LIX1: variants seen among roughly 807,000 people sequenced by gnomAD.
The protein encoded by LIX1 is protein limb expression 1 homolog.
Under a neutral mutation model 33.4 loss-of-function variants are expected in LIX1, and 24 were observed. The observed-to-expected ratio is 0.72, with a 90% CI of 0.52 to 1.01. The LOEUF (loss-of-function observed/expected upper bound fraction) is 1.01, where lower values mean the gene tolerates loss of function less well. Ranked by LOEUF, LIX1 falls within the 50% of genes least tolerant of loss-of-function variation. The probability of loss-of-function intolerance (pLI) is 0.00; values close to 1 mark genes in which losing one functional copy is unlikely to be tolerated. For synonymous variants in LIX1, 124 were observed against 124.0 expected (o/e 1.00, Z 0.00); for missense variants, 311 against 339.2 (o/e 0.92, Z 0.65).
intron 2 of LIX1, among the ~76,000 whole-genome samples, chr5:97,115,756 T>TA (rs35264000): frequency 0.28 from 39,547 of 139,908 alleles, 6,057 homozygotes; most frequent in African/African-American, 0.44. Flanking sequence ...GAAGCAGGAT[T>TA]AAAAAAAAAA....
rs1746127029 is a variant in LIX1, at chr5:97,092,515, C to T, written c.*2233G>A. 2.6e-5 allele frequency: 4 copies of T among 152,324 alleles called. No homozygotes were observed. Among genetic ancestry groups the T allele is most frequent in the Admixed American group, 2.6e-4 (4 of 15,288 alleles). 9.4% of individuals were successfully genotyped at this position (152,324 alleles called of 1,614,324 possible). A position where few individuals can be genotyped will look rare whatever the true frequency, so the allele number is the denominator to read the frequency against. On this transcript the variant is annotated 3_prime_UTR_variant, in exon 6 of 6. Coordinates refer to ENST00000274382, the MANE Select transcript of LIX1 (RefSeq NM_153234.5). ...TGAAATTGATTTACTATCAAATCAG[C>T]ATTAAAGGGACCAGCAAAGATTCTG... is the stretch of plus-strand genomic sequence containing the variant.
At chr5:97,099,198 C>T (rs753735356) in intron 4 of LIX1, among the ~76,000 whole-genome samples, 1 of 152,148 alleles carries the variant, frequency 6.6e-6, no homozygotes, top group African/African-American at 2.4e-5. Flanking sequence ...CACTTCATCA[C>T]GTCAGTATGC....
intron 1 of LIX1, among the ~76,000 whole-genome samples, chr5:97,126,288 G>A (rs1747918203): frequency 6.6e-6 from 1 of 152,188 alleles, no homozygotes; most frequent in African/African-American, 2.4e-5. Flanking sequence ...CAGTGAGTCT[G>A]GAGTATCTCA....
At chr5:97,126,392 A>G (rs898190656) in intron 1 of LIX1, among the ~76,000 whole-genome samples, 1 of 152,218 alleles carries the variant, frequency 6.6e-6, no homozygotes, top group South Asian at 2.1e-4. Flanking sequence ...GTCACTGATC[A>G]GCTTCATGGT....
In LIX1 at chr5:97,093,420, A is replaced by G. The variant is rs1406304665; in HGVS notation, c.*1328T>C. ...AATCATTTTCATGTTACAGATATGG[A>G]AAGACCTATGAGCATTTAAAATTGA... On this transcript the variant is annotated 3_prime_UTR_variant, in exon 6 of 6. Transcript: ENST00000274382. The G allele has an allele frequency of 6.6e-6, 1 of 152,254 alleles. No homozygotes were observed. Among genetic ancestry groups the G allele is most frequent in the African/African-American group, 2.4e-5 (1 of 41,432 alleles). 9.4% of individuals were successfully genotyped at this position (152,254 alleles called of 1,614,324 possible).
At chr5:97,101,850 C>T (rs1235765476) in intron 4 of LIX1, 2 of 152,138 alleles carry the variant, frequency 1.3e-5, no homozygotes, top group Non-Finnish European at 2.9e-5. Flanking sequence ...CATCTCCCCA[C>T]CCAAGAGAAT....
At chr5:97,123,163 T>A (rs1161684002) in intron 2 of LIX1, among the ~76,000 whole-genome samples, 1 of 152,226 alleles carries the variant, frequency 6.6e-6, no homozygotes, top group Non-Finnish European at 1.5e-5. Context: ...TCCTTGATCA[T>A]CTTCTCACAC....
At chr5:97,097,035 G>A (rs1164236651) in intron 4 of LIX1, 148 bp from the exon 5 acceptor site, 3 of 645,374 alleles carry the variant, frequency 4.6e-6, no homozygotes, top group Admixed American at 2.8e-5. Flanking sequence ...CAAGCCCAGG[G>A]TCCCAGGGCT....
Position 97,119,831 on chromosome 5 carries a change from A to G in LIX1, c.246+4635T>C, listed in dbSNP as rs139966578. Among the ~76,000 whole-genome samples, 118 of 152,238 alleles carry G rather than the reference A, an allele frequency of 7.8e-4. 1 individual carries two copies. Among genetic ancestry groups the G allele is most frequent in the African/African-American group, 2.8e-3 (116 of 41,554 alleles). On this transcript the variant is annotated intron_variant, in intron 2 of 5. Coordinates refer to ENST00000274382, the MANE Select transcript of LIX1 (RefSeq NM_153234.5). ...GGGTCAAAATTTATGAGATGATAGG[A>G]AAATTTATACTTCTCCGGGTAGCAA... is the stretch of plus-strand genomic sequence containing the variant.
intron 1 of LIX1, among the ~76,000 whole-genome samples, chr5:97,125,960 A>C (rs58142984): frequency 0.011 from 1,698 of 152,332 alleles, 23 homozygotes; most frequent in African/African-American, 0.039. Flanking sequence ...GGTTCAGTAA[A>C]GAGATGGAGG....
chr5:97,113,212 T>C (rs1747503826), intron 2 of LIX1, among the ~76,000 whole-genome samples: 1 of 152,166 alleles, frequency 6.6e-6, no homozygotes, highest in African/African-American at 2.4e-5. Flanking sequence ...CCTCCAGCCC[T>C]GATCAAGCCT....
At chr5:97,118,580 A>G (rs1034437326) in intron 2 of LIX1, among the ~76,000 whole-genome samples, 3 of 152,192 alleles carry the variant, frequency 2.0e-5, no homozygotes, top group African/African-American at 4.8e-5. Flanking sequence ...CAAAAGTGGC[A>G]TGAAGAAAAT....
intron 2 of LIX1, among the ~76,000 whole-genome samples, chr5:97,117,730 T>C (rs1356236671): frequency 6.6e-6 from 1 of 152,132 alleles, no homozygotes; most frequent in Admixed American, 6.6e-5. Flanking sequence ...GGAAAAATAG[T>C]TTTTCTAGAT....
rs542582285 is a variant in LIX1 at position 97,111,476 on chromosome 5, A to G, written c.247-3976T>C. Among the ~76,000 whole-genome samples the G allele has an allele frequency of 3.3e-3, 499 of 152,304 alleles. 2 individuals carry two copies. Among genetic ancestry groups the G allele is most frequent in the Non-Finnish European group, 5.7e-3 (385 of 68,020 alleles). ...GACCATTTTTGCCTGAGCGTAGGGT[A>G]TGTTTATTATTCTTTGGAAAATCAG... is the stretch of plus-strand genomic sequence containing the variant. On this transcript the variant is annotated intron_variant, in intron 2 of 5. Transcript: ENST00000274382.
At chr5:97,105,154 G>T in intron 4 of LIX1, 36 bp downstream of exon 4, 1 of 1,545,312 alleles carries the variant, frequency 6.5e-7, no homozygotes, top group Non-Finnish European at 8.9e-7. Flanking sequence ...TTCTGGATTG[G>T]ATAATCAAAC....
chr5:97,098,185 T>G (rs1456880440), intron 4 of LIX1, among the ~76,000 whole-genome samples: 3 of 152,254 alleles, frequency 2.0e-5, no homozygotes, highest in Admixed American at 6.5e-5. Context: ...TCAATACTCC[T>G]AAATTTATAA....
intron 2 of LIX1, among the ~76,000 whole-genome samples, chr5:97,110,470 C>T (rs1278543923): frequency 6.6e-6 from 1 of 151,990 alleles, no homozygotes; most frequent in Non-Finnish European, 1.5e-5. Flanking sequence ...TGGAGTTTCA[C>T]TCTTGTTGCC....
intron 1 of LIX1, among the ~76,000 whole-genome samples, chr5:97,141,780 T>C (rs796365618): frequency 2.6e-5 from 4 of 152,304 alleles, no homozygotes; most frequent in African/African-American, 9.6e-5. Context: ...CAGCAGGAAA[T>C]CAAATTGGTT....
intron 1 of LIX1, among the ~76,000 whole-genome samples, chr5:97,127,854 A>T (rs987549063): frequency 1.3e-5 from 2 of 152,232 alleles, no homozygotes; most frequent in African/African-American, 4.8e-5. Context: ...CCCTATGTCT[A>T]GGGACCCATC....
Sources: gnomAD v4.1 joint callset for allele counts (sites outside exome capture counted in the v4.1 genomes callset) on GRCh38, gnomAD v4.1.1 for gene constraint, MANE v1.5 for transcripts, NCBI Gene and HGNC (gene_info 2026-07-23, HGNC 2026-07-21) for gene names.